The following STPG2 variants were observed in gnomAD, a reference collection of about 807,000 sequenced individuals.
STPG2 encodes sperm-tail PG-rich repeat-containing protein 2.
A neutral mutation model predicts 54.2 loss-of-function variants in STPG2; 56 were observed. The ratio of observed to expected loss-of-function variants is 1.03; its 90% confidence interval spans 0.83 to 1.29. STPG2 has a LOEUF of 1.29. STPG2 is among the 50% of genes most tolerant of loss of function. The pLI is 0.00. For missense variants in STPG2, 596 were observed against 544.9 expected (o/e 1.09, Z -0.93); for synonymous variants, 200 against 181.8 (o/e 1.10, Z -0.81).
chr4:97,871,155 T>C (rs976137395), intron 8 of STPG2, among the ~76,000 whole-genome samples: 1 of 150,750 alleles, frequency 6.6e-6, no homozygotes, highest in African/African-American at 2.4e-5. Context: ...GTATGGAATA[T>C]AAAAAGTGGT....
rs541325910 is a variant in STPG2, at chr4:97,600,824, C to T, written c.1321-41707G>A. 1.8e-4 allele frequency among the ~76,000 whole-genome samples: 28 copies of T among 152,160 alleles called. No homozygotes were observed. The South Asian group carries it at 5.6e-3, about 30-fold the overall frequency. On this transcript the variant is annotated intron_variant, in intron 10 of 10. Coordinates refer to ENST00000295268, the MANE Select transcript of STPG2 (RefSeq NM_174952.3). ...CTTAGTTTAAAGAGTAACAGAAAGT[C>T]AGTCAGTACTTTGGGGCACAGCTAA...
chr4:97,980,026 A>AT (rs1298801994), intron 6 of STPG2, among the ~76,000 whole-genome samples: 1 of 151,830 alleles, frequency 6.6e-6, no homozygotes. Context: ...CCAGGCGAAA[A>AT]TTTTTTTAAA....
chr4:98,077,225 T>TTTTTTTTTGTTG (rs1553939674), intron 5 of STPG2, among the ~76,000 whole-genome samples: 1 of 148,684 alleles, frequency 6.7e-6, no homozygotes, highest in East Asian at 2.0e-4. Flanking sequence ...CCTCAATAGT[T>TTTTTTTTTGTTG]TTGTTGTTGT....
intron 10 of STPG2, among the ~76,000 whole-genome samples, chr4:97,679,987 T>G (rs1427658649): frequency 6.6e-6 from 1 of 152,118 alleles, no homozygotes; most frequent in Non-Finnish European, 1.5e-5. Flanking sequence ...TTGATTTATA[T>G]CTCTGTTTTG....
Position 97,586,218 on chromosome 4 carries a change from A to G in STPG2, c.1321-27101T>C, listed in dbSNP as rs558953558. On this transcript the variant is annotated intron_variant, in intron 10 of 10. Transcript: ENST00000295268. The stretch of plus-strand genomic sequence containing the variant: ...TGGATGGACACAATAATAGAGTGAG[A>G]TAACAGACAATACAATCAGTGAAAC... Among the ~76,000 whole-genome samples the G allele has an allele frequency of 9.0e-4, 137 of 152,098 alleles. 2 individuals carry two copies. The highest frequency in any genetic ancestry group is 3.4e-3 in the Middle Eastern group (1 of 294).
At chr4:97,499,045 G>C (rs961573846) in intron 4 of STPG2, among the ~76,000 whole-genome samples, 25 of 151,894 alleles carry the variant, frequency 1.6e-4, no homozygotes, top group African/African-American at 5.8e-4. Context: ...AGTTTTTAGT[G>C]AACCTAACTG....
At chr4:97,444,879 T>C (rs1488898804) in intron 4 of STPG2, among the ~76,000 whole-genome samples, 1 of 151,850 alleles carries the variant, frequency 6.6e-6, no homozygotes. Context: ...AATACAAAAA[T>C]TAGCAAAATT....
At chr4:97,686,954 A>AGT in intron 10 of STPG2, among the ~76,000 whole-genome samples, 1 of 142,672 alleles carries the variant, frequency 7.0e-6, no homozygotes, top group African/African-American at 2.7e-5. Context: ...TTTTTTTTTG[A>AGT]GAGAGAGAGT....
intron 5 of STPG2, among the ~76,000 whole-genome samples, chr4:98,058,754 A>C (rs891766270): frequency 1.3e-5 from 2 of 152,180 alleles, no homozygotes; most frequent in Admixed American, 6.5e-5. Flanking sequence ...AAAACAACAG[A>C]ATATACATTC....
intron 5 of STPG2, among the ~76,000 whole-genome samples, chr4:98,078,300 T>A (rs577176079): frequency 6.6e-6 from 1 of 152,130 alleles, no homozygotes; most frequent in Admixed American, 6.6e-5. Flanking sequence ...TGGAAACTTA[T>A]ATGAAAAAAC....
At chr4:97,947,249 G>A (rs2149236127) in intron 7 of STPG2, among the ~76,000 whole-genome samples, 1 of 152,178 alleles carries the variant, frequency 6.6e-6, no homozygotes, top group African/African-American at 2.4e-5. Flanking sequence ...AGACATTACT[G>A]AATTTGATTA....
intron 10 of STPG2, among the ~76,000 whole-genome samples, chr4:97,633,015 CAGAGATAGAT>C (rs1721343295): frequency 6.6e-6 from 1 of 151,990 alleles, no homozygotes; most frequent in Non-Finnish European, 1.5e-5. Context: ...AATAGATAGA[CAGAGATAGAT>C]ATTTCTCCCA....
chr4:97,783,766 C>A (rs770019645), intron 9 of STPG2, among the ~76,000 whole-genome samples: 22 of 152,142 alleles, frequency 1.4e-4, no homozygotes, highest in Admixed American at 8.5e-4. Flanking sequence ...AGTTCACATC[C>A]TTTGTAGAGA....
At chr4:97,639,419 C>G (rs147576484) in intron 10 of STPG2, among the ~76,000 whole-genome samples, 1 of 151,400 alleles carries the variant, frequency 6.6e-6, no homozygotes, top group African/African-American at 2.4e-5. Flanking sequence ...GGGTGCAGCA[C>G]ACCAGCATGG....
At chr4:97,913,555 T>C (rs2149202130) in intron 8 of STPG2, among the ~76,000 whole-genome samples, 1 of 152,256 alleles carries the variant, frequency 6.6e-6, no homozygotes, top group Non-Finnish European at 1.5e-5. Flanking sequence ...ATAATGATAG[T>C]ATAGCTTTAA....
chr4:97,494,303 A>G (rs567859116), intron 4 of STPG2, among the ~76,000 whole-genome samples: 1 of 151,700 alleles, frequency 6.6e-6, no homozygotes, highest in South Asian at 2.1e-4. Context: ...TTGCTCATAA[A>G]TGCCTTCCTC....
rs867891850 is a variant in STPG2 at position 97,972,225 on chromosome 4, C to T, written c.933+55G>A. The T allele has an allele frequency of 8.9e-5, 106 of 1,196,424 alleles. No individual in the cohort carries two copies. The South Asian group carries it at 1.9e-3, about 21-fold the overall frequency. 74.1% of individuals were successfully genotyped at this position (1,196,424 alleles called of 1,614,324 possible). On this transcript the variant is annotated intron_variant, in intron 7 of 10. Coordinates refer to ENST00000295268, the MANE Select transcript of STPG2 (RefSeq NM_174952.3). The stretch of plus-strand genomic sequence containing the variant: ...ATTATAACATGTAATTTCAAGAGAA[C>T]CCTAAGAGCTTGATATTCAACATAA...
rs540618445 is a variant in STPG2 at position 97,783,025 on chromosome 4, G to T, written c.1204+57748C>A. Among the ~76,000 whole-genome samples, 3 of 152,274 alleles carry T rather than the reference G, an allele frequency of 2.0e-5. No homozygotes were observed. In the East Asian group the frequency reaches 5.8e-4, roughly 29 times the overall value. On this transcript the variant is annotated intron_variant, in intron 9 of 10. Transcript: ENST00000295268. The stretch of plus-strand genomic sequence containing the variant: ...CATTCAGGACATAGGCATGGGCAAG[G>T]ACTTCATGTCTAAAACATCAAAAGC...
intron 10 of STPG2, among the ~76,000 whole-genome samples, 175 bp from the exon 11 acceptor site, chr4:97,559,292 AAATT>A (rs1331137464): frequency 1.1e-4 from 17 of 152,200 alleles, no homozygotes; most frequent in African/African-American, 1.9e-4. Context: ...CTTCGTTCAA[AAATT>A]AATTGTGTTG....
Sources: gnomAD v4.1 joint callset for allele counts (sites outside exome capture counted in the v4.1 genomes callset) on GRCh38, gnomAD v4.1.1 for gene constraint, MANE v1.5 for transcripts, NCBI Gene and HGNC (gene_info 2026-07-23, HGNC 2026-07-21) for gene names.